The following PRKCH variants were observed in gnomAD, a reference collection of about 807,000 sequenced individuals.
PRKCH encodes the protein protein kinase C eta, also known as protein kinase C eta type.
PRKCH carries 28 observed loss-of-function variants against 82.5 expected under a neutral mutation model. The observed-to-expected ratio is 0.34, with a 90% confidence interval of 0.25 to 0.47. The LOEUF is 0.47. Among genes scored for constraint, PRKCH ranks in the 20% least tolerant of loss-of-function variants. PRKCH has a pLI of 1.00. For missense variants in PRKCH, 705 were observed against 881.8 expected, an observed-to-expected ratio of 0.80 and a Z score of 2.54; for synonymous variants, 322 against 327.4, an observed-to-expected ratio of 0.98 and a Z score of 0.18.
At chr14:61,370,145 T>A (rs2046346415) in intron 1 of PRKCH, among the ~76,000 whole-genome samples, 1 of 151,966 alleles carries the variant, frequency 6.6e-6, no homozygotes, top group South Asian at 2.1e-4. Flanking sequence ...GGTTTCACCA[T>A]GTTGCTCAGG....
At chr14:61,386,323 G>T (rs2046586700) in intron 1 of PRKCH, among the ~76,000 whole-genome samples, 1 of 152,206 alleles carries the variant, frequency 6.6e-6, no homozygotes, top group African/African-American at 2.4e-5. Flanking sequence ...TTCTAAGTTA[G>T]GAAGCCACAT....
intron 1 of PRKCH, among the ~76,000 whole-genome samples, chr14:61,259,578 A>G (rs2045028380): frequency 6.6e-6 from 1 of 152,224 alleles, no homozygotes; most frequent in South Asian, 2.1e-4. Context: ...AGGACCTAGG[A>G]ACAAGCATTT....
At position 61,457,314 on chromosome 14, in the gene PRKCH, G is replaced by T. The variant is rs750830348; in HGVS notation, c.1099G>T (p.Gly367Trp). 1 of 1,614,074 alleles carries T rather than the reference G, an allele frequency of 6.2e-7. No homozygotes were observed. Among genetic ancestry groups the T allele is most frequent in the South Asian group, 1.1e-5 (1 of 91,070 alleles). ...CCGAGTGTTGGGGAAGGGGAGTTTT[G>T]GGAAGGTGAGTCTTGGCTTTAACTG... ...FIRVLGKGSFGKVMLARVKET... is the reference protein window; with the variant it reads ...FIRVLGKGSFWKVMLARVKET... The change falls in exon 8 of 14, where the codon GGG becomes TGG. Residue 367 changes from glycine to tryptophan, a missense_variant. By Grantham distance (184) the Gly-to-Trp change is radical. Coordinates refer to ENST00000332981, the MANE Select transcript of PRKCH (RefSeq NM_006255.5).
upstream of PRKCH, among the ~76,000 whole-genome samples, chr14:61,321,226 G>A (rs921338735): frequency 1.2e-4 from 18 of 152,214 alleles, no homozygotes; most frequent in African/African-American, 4.1e-4. This position sits in a 1 kb window ranked among gnomAD's most constrained non-coding sequence, Gnocchi z 4.1. Flanking sequence ...CCAGCCCACC[G>A]GGGAGGTTGG....
chr14:61,528,318 C>T (rs1041927768), intron 10 of PRKCH, among the ~76,000 whole-genome samples: 1 of 152,048 alleles, frequency 6.6e-6, no homozygotes, highest in Non-Finnish European at 1.5e-5. Flanking sequence ...CTCAGCCTCC[C>T]AAGTATGTGG....
At chr14:61,375,219 T>G (rs906224483) in intron 1 of PRKCH, among the ~76,000 whole-genome samples, 1 of 152,104 alleles carries the variant, frequency 6.6e-6, no homozygotes, top group African/African-American at 2.4e-5. Flanking sequence ...AGTAAGTTCC[T>G]CAGTCTCCAT....
intron 10 of PRKCH, among the ~76,000 whole-genome samples, chr14:61,514,387 C>G (rs1446746142): frequency 6.6e-6 from 1 of 150,866 alleles, no homozygotes; most frequent in Non-Finnish European, 1.5e-5. Flanking sequence ...AGTCACCAAG[C>G]AGGGCAAATT....
At chr14:61,281,192 C>T (rs2045262612) in intron 1 of PRKCH, 1 of 1,215,534 alleles carries the variant, frequency 8.2e-7, no homozygotes, top group Non-Finnish European at 1.0e-6. Flanking sequence ...GAGTGGGGGC[C>T]CCGCCGCGGG....
chr14:61,331,525 A>G (rs1455721817), intron 1 of PRKCH, among the ~76,000 whole-genome samples: 1 of 152,166 alleles, frequency 6.6e-6, no homozygotes, highest in Non-Finnish European at 1.5e-5. Flanking sequence ...TGTCTCAAAA[A>G]AAGAAACAAC....
chr14:61,291,819 G>A (rs922985460), intron 1 of PRKCH, among the ~76,000 whole-genome samples: 3 of 152,180 alleles, frequency 2.0e-5, no homozygotes, highest in East Asian at 3.8e-4. Flanking sequence ...TTGTGGCTGA[G>A]GGTGGGAGTG....
At chr14:61,287,228 A>AAAAT (rs2045323344) in intron 1 of PRKCH, among the ~76,000 whole-genome samples, 1 of 147,822 alleles carries the variant, frequency 6.8e-6, no homozygotes, top group Non-Finnish European at 1.5e-5. Context: ...AAAAAAAAAA[A>AAAAT]AAAAAAGATA....
intron 2 of PRKCH, among the ~76,000 whole-genome samples, chr14:61,409,379 C>T (rs1054827488): frequency 6.6e-6 from 1 of 152,076 alleles, no homozygotes; most frequent in African/African-American, 2.4e-5. Flanking sequence ...TACAGAAATG[C>T]AATGAGAACC....
chr14:61,212,190 A>G (rs548786251), intron 1 of PRKCH, among the ~76,000 whole-genome samples: 6 of 152,288 alleles, frequency 3.9e-5, no homozygotes, highest in African/African-American at 1.4e-4. Flanking sequence ...ATAAAGAATT[A>G]TGGTCTCTTT....
At chr14:61,438,576 A>G (rs1883791829) in intron 2 of PRKCH, among the ~76,000 whole-genome samples, 1 of 152,222 alleles carries the variant, frequency 6.6e-6, no homozygotes, top group African/African-American at 2.4e-5. Context: ...ACAAAAGACC[A>G]AAGAGGATGA....
rs549700223 is a variant in PRKCH, at chr14:61,409,439, G to T, written c.427+18151G>T. Reference sequence around the variant, plus strand: ...AAATGAGTGGTAGTGGCTCATACCTGTAATCCTAATACTCTGGGAGGCTGA... The same window carrying T: ...AAATGAGTGGTAGTGGCTCATACCTTTAATCCTAATACTCTGGGAGGCTGA... On this transcript the variant is annotated intron_variant, in intron 2 of 13. Transcript: ENST00000332981. Among the ~76,000 whole-genome samples, 3 of 152,082 alleles carry T rather than the reference G, an allele frequency of 2.0e-5. No homozygotes were observed. The South Asian group carries it at 6.2e-4, about 32-fold the overall frequency.
At chr14:61,381,775 G>T (rs1196478857) in intron 1 of PRKCH, among the ~76,000 whole-genome samples, 1 of 152,252 alleles carries the variant, frequency 6.6e-6, no homozygotes, top group Non-Finnish European at 1.5e-5. Context: ...AGTGGCACGA[G>T]TCTTGCCCAG....
intron 1 of PRKCH, among the ~76,000 whole-genome samples, chr14:61,219,108 C>T (rs531841936): frequency 2.0e-5 from 3 of 152,188 alleles, no homozygotes; most frequent in Non-Finnish European, 4.4e-5. Context: ...ACTTCAACAA[C>T]CTCCTTTGGC....
At chr14:61,395,859 T>C (rs745533001) in intron 2 of PRKCH, among the ~76,000 whole-genome samples, 2 of 151,998 alleles carry the variant, frequency 1.3e-5, no homozygotes, top group Non-Finnish European at 2.9e-5. Context: ...GCAGGCAGAT[T>C]GCTTGAGCTC....
chr14:61,453,492 C>G, intron 7 of PRKCH, 139 bp downstream of exon 7: 1 of 796,404 alleles, frequency 1.3e-6, no homozygotes, highest in Non-Finnish European at 1.8e-6. Flanking sequence ...TTCTTTCTTT[C>G]TTTCTCTTTC....
Sources: gnomAD v4.1 joint callset for allele counts (sites outside exome capture counted in the v4.1 genomes callset) on GRCh38, gnomAD v4.1.1 for gene constraint, Gnocchi (gnomAD v3.1) non-coding constraint, MANE v1.5 for transcripts, NCBI Gene and HGNC (gene_info 2026-07-23, HGNC 2026-07-21) for gene names.